Variants in ADARB2 observed in about 807,000 individuals in gnomAD.
The protein encoded by ADARB2 is adenosine deaminase RNA specific B2 (inactive).
In ADARB2, 25 loss-of-function variants were observed where a neutral mutation model predicts 62.2. The ratio of observed to expected loss-of-function variants is 0.40; its 90% CI spans 0.29 to 0.56. The LOEUF (loss-of-function observed/expected upper bound fraction) is 0.56. ADARB2 is among the 20% of genes least tolerant of loss of function. The probability of loss-of-function intolerance (pLI) is 0.43; values close to 1 mark genes in which losing one functional copy is unlikely to be tolerated. For synonymous variants in ADARB2, 572 were observed against 500.8 expected (o/e 1.14, Z -1.90); for missense variants, 1,071 against 1,077.4 (o/e 0.99, Z 0.08).
At chr10:1,227,645 C>T (rs1392117531) in intron 6 of ADARB2, among the ~76,000 whole-genome samples, 2 of 152,092 alleles carry the variant, frequency 1.3e-5, no homozygotes, top group Non-Finnish European at 2.9e-5. Context: ...GAATTGGAGA[C>T]AAACAACAAG....
At chr10:1,300,267 C>G (rs937330179) in intron 3 of ADARB2, among the ~76,000 whole-genome samples, 3 of 152,240 alleles carry the variant, frequency 2.0e-5, no homozygotes, top group African/African-American at 7.2e-5. Context: ...ATAATGGCAT[C>G]TACAGATGGA....
chr10:1,253,589 G>A (rs1019073242), intron 4 of ADARB2, among the ~76,000 whole-genome samples: 1 of 152,230 alleles, frequency 6.6e-6, no homozygotes, highest in African/African-American at 2.4e-5. Context: ...AAAAAACTGT[G>A]CAGTCTCAAA....
At chr10:1,703,291 T>C (rs951019110) in intron 1 of ADARB2, among the ~76,000 whole-genome samples, 28 of 151,992 alleles carry the variant, frequency 1.8e-4, no homozygotes, top group Non-Finnish European at 2.9e-4. Context: ...GAACACCTGA[T>C]GAGGAGGGTG....
intron 1 of ADARB2, among the ~76,000 whole-genome samples, chr10:1,628,335 C>T (rs563106498): frequency 1.7e-4 from 26 of 152,322 alleles, no homozygotes; most frequent in Middle Eastern, 3.4e-3. Flanking sequence ...TGTTAGGCTG[C>T]GTTACGATCG....
In ADARB2 at chr10:1,473,675, C is replaced by A. The variant is rs1831357180; in HGVS notation, c.101-94515G>T. Among the ~76,000 whole-genome samples, 3 of 152,220 alleles carry A rather than the reference C, an allele frequency of 2.0e-5. No homozygotes were observed. The South Asian group carries it at 6.2e-4, about 32-fold the overall frequency. ...GGGATTACAGGCATGAGCTACTGCA[C>A]CTGGCCTCGGATCTGCATTTTAAAG... On this transcript the variant is annotated intron_variant, in intron 1 of 9. Transcript: ENST00000381312.
chr10:1,651,508 T>A (rs1834110780), intron 1 of ADARB2, among the ~76,000 whole-genome samples: 1 of 152,240 alleles, frequency 6.6e-6, no homozygotes, highest in African/African-American at 2.4e-5. Context: ...CCTTTGCTTG[T>A]GCACGCCTAG....
At chr10:1,583,413 A>G (rs1269225244) in intron 1 of ADARB2, among the ~76,000 whole-genome samples, 1 of 152,222 alleles carries the variant, frequency 6.6e-6, no homozygotes, top group East Asian at 1.9e-4. Flanking sequence ...CAGTGTATAA[A>G]GCAGAATTTT....
At chr10:1,444,551 T>TCATC (rs1047112283) in intron 1 of ADARB2, among the ~76,000 whole-genome samples, 4 of 135,984 alleles carry the variant, frequency 2.9e-5, no homozygotes, top group South Asian at 2.5e-4. Flanking sequence ...CCATCTACAT[T>TCATC]CATCCATCCA....
chr10:1,497,207 A>C (rs1831704776), intron 1 of ADARB2, among the ~76,000 whole-genome samples: 1 of 152,226 alleles, frequency 6.6e-6, no homozygotes, highest in Non-Finnish European at 1.5e-5. Context: ...TTCATTTTGC[A>C]AGGAGAAAAC....
chr10:1,306,139 T>C (rs1831625576), intron 3 of ADARB2, among the ~76,000 whole-genome samples: 3 of 150,444 alleles, frequency 2.0e-5, no homozygotes, highest in Non-Finnish European at 3.0e-5. Context: ...GCAGATGACA[T>C]GATTGTATAT....
intron 1 of ADARB2, among the ~76,000 whole-genome samples, chr10:1,610,180 C>A (rs1482516464): frequency 6.6e-6 from 1 of 152,194 alleles, no homozygotes; most frequent in Non-Finnish European, 1.5e-5. Flanking sequence ...TCTCAGGATC[C>A]TTCCAGAATC....
intron 3 of ADARB2, among the ~76,000 whole-genome samples, chr10:1,362,616 C>T (rs974676323): frequency 4.6e-5 from 7 of 152,224 alleles, no homozygotes; most frequent in Non-Finnish European, 8.8e-5. Flanking sequence ...TGGATCCTGC[C>T]GGGCTGGCGG....
At chr10:1,331,259 C>A (rs1848673965) in intron 3 of ADARB2, among the ~76,000 whole-genome samples, 1 of 152,148 alleles carries the variant, frequency 6.6e-6, no homozygotes, top group South Asian at 2.1e-4. Context: ...AGTATATACC[C>A]AAGAGAAATA....
chr10:1,648,324 G>A (rs565370398), intron 1 of ADARB2, among the ~76,000 whole-genome samples: 7 of 152,174 alleles, frequency 4.6e-5, no homozygotes, highest in African/African-American at 1.4e-4. Context: ...ACAAAGTCAC[G>A]TTCTTTACCT....
chr10:1,556,122 A>G (rs1393080151), intron 1 of ADARB2, among the ~76,000 whole-genome samples: 1 of 152,100 alleles, frequency 6.6e-6, no homozygotes, highest in Non-Finnish European at 1.5e-5. Flanking sequence ...ATGATGCTCA[A>G]GTGACGAAAT....
intron 1 of ADARB2, among the ~76,000 whole-genome samples, chr10:1,455,678 A>G (rs566808604): frequency 2.1e-4 from 32 of 152,302 alleles, no homozygotes; most frequent in African/African-American, 7.2e-4. Context: ...TACTACTACT[A>G]TATTTGAGGG....
At chr10:1,659,265 C>T (rs547181221) in intron 1 of ADARB2, among the ~76,000 whole-genome samples, 2 of 152,210 alleles carry the variant, frequency 1.3e-5, no homozygotes, top group African/African-American at 4.8e-5. Flanking sequence ...ATGAAAAGAC[C>T]GAATCATTCC....
At chr10:1,587,409 C>T (rs1365841827) in intron 1 of ADARB2, among the ~76,000 whole-genome samples, 15 of 152,220 alleles carry the variant, frequency 9.9e-5, no homozygotes, top group African/African-American at 3.6e-4. Context: ...TTCTTGCTTC[C>T]CTTGAAAAAT....
At chr10:1,208,174 A>G (rs188486221) in intron 7 of ADARB2, among the ~76,000 whole-genome samples, 7 of 152,198 alleles carry the variant, frequency 4.6e-5, no homozygotes, top group African/African-American at 1.7e-4. Flanking sequence ...AATCGAGTTT[A>G]CTGTGACTTT....
Sources: gnomAD v4.1 joint callset for allele counts (sites outside exome capture counted in the v4.1 genomes callset) on GRCh38, gnomAD v4.1.1 for gene constraint, MANE v1.5 for transcripts, NCBI Gene and HGNC (gene_info 2026-07-23, HGNC 2026-07-21) for gene names.